Variants in MGAT4C observed in about 807,000 individuals in gnomAD.
MGAT4C encodes the protein MGAT4 family member C, also known as alpha-1,3-mannosyl-glycoprotein 4-beta-N-acetylglucosaminyltransferase C.
Under a neutral mutation model 40.1 loss-of-function variants are expected in MGAT4C, and 19 were observed. The observed-to-expected ratio is 0.47, with a 90% CI of 0.33 to 0.70. MGAT4C has a LOEUF of 0.70. MGAT4C is among the 30% of genes least tolerant of loss of function. The pLI is 0.02. For missense variants in MGAT4C, 491 were observed against 563.2 expected, an observed-to-expected ratio of 0.87 and a Z score of 1.30; for synonymous variants, 181 against 187.1, an observed-to-expected ratio of 0.97 and a Z score of 0.27.
chr12:86,509,637 T>C (rs1958537190), intron 2 of MGAT4C, among the ~76,000 whole-genome samples: 1 of 152,180 alleles, frequency 6.6e-6, no homozygotes, highest in Admixed American at 6.5e-5. Context: ...ATTGAATCTG[T>C]AAATTACCTT....
chr12:86,578,623 T>G (rs893913470), intron 2 of MGAT4C, among the ~76,000 whole-genome samples: 1 of 151,788 alleles, frequency 6.6e-6, no homozygotes, highest in Admixed American at 6.6e-5. Flanking sequence ...GTAACATTTA[T>G]TCTAGATTTT....
intron 1 of MGAT4C, among the ~76,000 whole-genome samples, chr12:86,156,631 T>G (rs1884971196): frequency 6.6e-6 from 1 of 152,286 alleles, no homozygotes; most frequent in East Asian, 1.9e-4. Context: ...AAGATTACAT[T>G]TTTTAAAAGT....
chr12:86,735,577 G>A (rs902110629), intron 1 of MGAT4C, among the ~76,000 whole-genome samples: 1 of 151,880 alleles, frequency 6.6e-6, no homozygotes, highest in African/African-American at 2.4e-5. Flanking sequence ...GGAAGTATTT[G>A]TGAACATGGA....
At chr12:86,132,791 CAAAAAAAAAAA>C (rs60321690) in intron 1 of MGAT4C, among the ~76,000 whole-genome samples, 1 of 93,728 alleles carries the variant, frequency 1.1e-5, no homozygotes, top group Non-Finnish European at 2.0e-5. Context: ...GACTCCGTCT[CAAAAAAAAAAA>C]AAAAAAAAAA....
At chr12:86,639,093 T>G (rs1963305220) in intron 2 of MGAT4C, among the ~76,000 whole-genome samples, 1 of 151,794 alleles carries the variant, frequency 6.6e-6, no homozygotes, top group Non-Finnish European at 1.5e-5. Flanking sequence ...ATACTCAGTT[T>G]AAATTCCAGC....
At chr12:86,197,693 G>A (rs1949871846) in intron 1 of MGAT4C, among the ~76,000 whole-genome samples, 4 of 152,144 alleles carry the variant, frequency 2.6e-5, no homozygotes, top group Admixed American at 1.3e-4. Flanking sequence ...AACTAAGATA[G>A]ACAGACAGAT....
intron 1 of MGAT4C, among the ~76,000 whole-genome samples, chr12:86,246,178 GCTT>G (rs1228322868): frequency 1.6e-4 from 17 of 104,796 alleles, no homozygotes; most frequent in African/African-American, 5.9e-4. Context: ...GTGTACCATT[GCTT>G]TTTTTTTTTT....
intron 2 of MGAT4C, among the ~76,000 whole-genome samples, chr12:85,999,214 C>T (rs1447796005): frequency 6.6e-6 from 1 of 152,132 alleles, no homozygotes; most frequent in Non-Finnish European, 1.5e-5. Context: ...TTGCCTTTCA[C>T]TGGCTGCCTC....
At chr12:86,344,172 T>C (rs1954964586) in intron 3 of MGAT4C, among the ~76,000 whole-genome samples, 1 of 152,136 alleles carries the variant, frequency 6.6e-6, no homozygotes, top group Admixed American at 6.5e-5. Context: ...ATTGAATAAA[T>C]GGGGTTGAAA....
intron 2 of MGAT4C, among the ~76,000 whole-genome samples, chr12:86,629,278 A>T (rs982083096): frequency 2.6e-5 from 4 of 152,100 alleles, no homozygotes; most frequent in Non-Finnish European, 5.9e-5. Flanking sequence ...CTGCAAAGAG[A>T]CTTAGACTCC....
chr12:86,631,578 C>T (rs1022087891), intron 2 of MGAT4C, among the ~76,000 whole-genome samples: 5 of 151,978 alleles, frequency 3.3e-5, no homozygotes, highest in Admixed American at 2.6e-4. Context: ...TGGAACAGAA[C>T]AGAGCCCTCA....
chr12:86,606,773 A>G (rs1962060682), intron 2 of MGAT4C, among the ~76,000 whole-genome samples: 1 of 152,182 alleles, frequency 6.6e-6, no homozygotes, highest in Non-Finnish European at 1.5e-5. Context: ...TATTACAGGT[A>G]AAACAAATAT....
intron 4 of MGAT4C, among the ~76,000 whole-genome samples, chr12:86,266,102 C>T (rs889890035): frequency 6.6e-6 from 1 of 152,094 alleles, no homozygotes; most frequent in Non-Finnish European, 1.5e-5. Flanking sequence ...ACTTGACTTG[C>T]TCTTTTCGAG....
intron 1 of MGAT4C, among the ~76,000 whole-genome samples, chr12:86,795,869 A>T (rs1291631334): frequency 1.3e-5 from 2 of 151,978 alleles, no homozygotes; most frequent in African/African-American, 4.8e-5. Context: ...CTTTCTGCAG[A>T]TCTTTTTATG....
At chr12:86,069,130 T>G (rs1029051665) in intron 1 of MGAT4C, among the ~76,000 whole-genome samples, 13 of 142,154 alleles carry the variant, frequency 9.1e-5, no homozygotes, top group African/African-American at 3.2e-4. Context: ...AAGGTGTCAT[T>G]TTTTTCTGGA....
intron 3 of MGAT4C, among the ~76,000 whole-genome samples, chr12:86,339,068 C>A (rs1189265399): frequency 4.0e-5 from 6 of 150,878 alleles, no homozygotes; most frequent in African/African-American, 1.5e-4. Flanking sequence ...TGCATTATGT[C>A]ATTTAATGCC....
chr12:86,027,890 A>G (rs11835846), intron 2 of MGAT4C, among the ~76,000 whole-genome samples: 12,458 of 151,946 alleles, frequency 0.082, 1,125 homozygotes, highest in African/African-American at 0.23. Flanking sequence ...TTTTTCTAAA[A>G]AATATATTTT....
intron 2 of MGAT4C, among the ~76,000 whole-genome samples, chr12:86,597,185 T>C (rs1234986719): frequency 2.6e-5 from 4 of 152,210 alleles, no homozygotes; most frequent in African/African-American, 9.6e-5. Flanking sequence ...GACCAGGAAC[T>C]GGTAAATACT....
At chr12:86,163,672 A>G (rs756954628) in intron 1 of MGAT4C, among the ~76,000 whole-genome samples, 6 of 152,184 alleles carry the variant, frequency 3.9e-5, no homozygotes, top group Non-Finnish European at 8.8e-5. Context: ...CATTCTCTAC[A>G]TAAGAATGCT....
Sources: gnomAD v4.1 joint callset for allele counts (sites outside exome capture counted in the v4.1 genomes callset) on GRCh38, gnomAD v4.1.1 for gene constraint, MANE v1.5 for transcripts, NCBI Gene and HGNC (gene_info 2026-07-23, HGNC 2026-07-21) for gene names.